Variants in PTPRD observed in about 807,000 individuals in gnomAD.
PTPRD encodes protein tyrosine phosphatase receptor type D, also known as receptor-type tyrosine-protein phosphatase delta.
A neutral mutation model predicts 214.5 loss-of-function variants in PTPRD; 34 were observed. The observed-to-expected ratio is 0.16, with a 90% CI of 0.12 to 0.21. PTPRD has a LOEUF of 0.21. PTPRD is among the 10% of genes least tolerant of loss of function. The probability of loss-of-function intolerance (pLI) is 1.00; values close to 1 mark genes in which losing one functional copy is unlikely to be tolerated. For missense variants in PTPRD, 2,545 were observed against 2,398.7 expected, an observed-to-expected ratio of 1.06 and a Z score of -1.27; for synonymous variants, 1,128 against 845.7, an observed-to-expected ratio of 1.33 and a Z score of -5.79.
intron 2 of PTPRD, among the ~76,000 whole-genome samples, chr9:10,496,180 T>G (rs896457978): frequency 3.3e-5 from 5 of 151,838 alleles, no homozygotes; most frequent in Non-Finnish European, 5.9e-5. Context: ...AAAAATGTAT[T>G]TAATGCAGAC....
At chr9:8,733,299 T>C (rs1378871435) in intron 12 of PTPRD, among the ~76,000 whole-genome samples, 1 of 152,048 alleles carries the variant, frequency 6.6e-6, no homozygotes, top group Non-Finnish European at 1.5e-5. Context: ...ACGACAGCTG[T>C]CGGAAACAGT....
intron 9 of PTPRD, among the ~76,000 whole-genome samples, chr9:9,269,587 A>G (rs1006636483): frequency 6.6e-6 from 1 of 151,486 alleles, no homozygotes; most frequent in African/African-American, 2.4e-5. Flanking sequence ...CCAATAGTCA[A>G]GATAAAATAT....
chr9:9,613,135 CATATATATATATATATATATATAT>C (rs67735335), intron 7 of PTPRD, among the ~76,000 whole-genome samples: 2 of 47,926 alleles, frequency 4.2e-5, no homozygotes, highest in African/African-American at 1.7e-4. Flanking sequence ...TACATACATA[CATATATATATATATATATATATAT>C]ATATATATAT....
At chr9:9,566,182 C>A (rs1398346540) in intron 8 of PTPRD, among the ~76,000 whole-genome samples, 1 of 151,864 alleles carries the variant, frequency 6.6e-6, no homozygotes, top group Admixed American at 6.6e-5. Context: ...TATACGTGGA[C>A]AACACAAATC....
At chr9:8,499,048 C>G (rs1038278938) in intron 25 of PTPRD, among the ~76,000 whole-genome samples, 1 of 152,016 alleles carries the variant, frequency 6.6e-6, no homozygotes, top group East Asian at 1.9e-4. Context: ...AACCTTGGTT[C>G]AACGTAAGGA....
chr9:9,984,586 C>G (rs2095646679), intron 4 of PTPRD, among the ~76,000 whole-genome samples: 1 of 152,124 alleles, frequency 6.6e-6, no homozygotes, highest in East Asian at 1.9e-4. Context: ...CCGTGGCTAC[C>G]TTCTGGAATA....
At chr9:8,448,108 G>A (rs764681848) in intron 34 of PTPRD, among the ~76,000 whole-genome samples, 2 of 151,896 alleles carry the variant, frequency 1.3e-5, no homozygotes, top group Non-Finnish European at 2.9e-5. Flanking sequence ...GTGAGTTGCT[G>A]GAGCCCAGGA....
intron 7 of PTPRD, among the ~76,000 whole-genome samples, chr9:9,728,167 A>T (rs938685947): frequency 6.6e-6 from 1 of 151,266 alleles, no homozygotes; most frequent in Non-Finnish European, 1.5e-5. Flanking sequence ...TGATTGTGAG[A>T]CTCCCCCAGC....
chr9:8,929,747 A>ATATATATATGTGTATATATATGTGTG (rs1567060819), intron 11 of PTPRD, among the ~76,000 whole-genome samples: 11 of 61,706 alleles, frequency 1.8e-4, no homozygotes, highest in African/African-American at 6.5e-4. Context: ...ATATATGTGT[A>ATATATATATGTGTATATATATGTGTG]TATATATATG....
chr9:10,360,637 T>G (rs1371652139), intron 2 of PTPRD, among the ~76,000 whole-genome samples: 1 of 151,988 alleles, frequency 6.6e-6, no homozygotes, highest in Non-Finnish European at 1.5e-5. Flanking sequence ...TTTCTAATAT[T>G]TTTTTGAATC....
At chr9:9,121,590 A>T (rs545118737) in intron 10 of PTPRD, among the ~76,000 whole-genome samples, 1 of 152,176 alleles carries the variant, frequency 6.6e-6, no homozygotes, top group African/African-American at 2.4e-5. Flanking sequence ...CAAACATTGT[A>T]TGTTCTCACT....
intron 5 of PTPRD, among the ~76,000 whole-genome samples, chr9:9,887,948 TAAC>T (rs1293870490): frequency 6.6e-6 from 1 of 151,666 alleles, no homozygotes; most frequent in Non-Finnish European, 1.5e-5. Flanking sequence ...ACATGAAAAA[TAAC>T]AAAATAAATT....
intron 11 of PTPRD, among the ~76,000 whole-genome samples, chr9:8,832,429 T>TTTC (rs61530710): frequency 7.0e-6 from 1 of 142,598 alleles, no homozygotes; most frequent in African/African-American, 2.6e-5. Context: ...TTTTTTTTTT[T>TTTC]GTCAAATAAC....
intron 14 of PTPRD, among the ~76,000 whole-genome samples, chr9:8,614,962 T>A (rs994574207): frequency 5.9e-5 from 9 of 152,144 alleles, no homozygotes; most frequent in Admixed American, 5.9e-4. Context: ...GAGAGCCCAC[T>A]CTTGAGACTT....
chr9:8,699,957 A>G (rs1326268249), intron 12 of PTPRD, among the ~76,000 whole-genome samples: 3 of 152,202 alleles, frequency 2.0e-5, no homozygotes, highest in South Asian at 4.1e-4. Context: ...ATTTTCAAAT[A>G]TCAGTAATGC....
chr9:9,740,322 AC>A (rs2098380837), intron 6 of PTPRD, among the ~76,000 whole-genome samples: 1 of 151,854 alleles, frequency 6.6e-6, no homozygotes, highest in African/African-American at 2.4e-5. Context: ...TTCAACAGAT[AC>A]TATTATGAAG....
In PTPRD at chr9:8,463,098, T is replaced by A. The variant is rs572069940; in HGVS notation, c.3714+2368A>T. On this transcript the variant is annotated intron_variant, in intron 32 of 45. Transcript: ENST00000381196. ...TGTTTTAACCTGCATCTTTAAAAAATTTAGTTTATGGCATCTATTCTGAAT... is the reference window on the plus strand; with the variant it reads ...TGTTTTAACCTGCATCTTTAAAAAAATTAGTTTATGGCATCTATTCTGAAT... 3.8e-4 allele frequency among the ~76,000 whole-genome samples: 58 copies of A among 151,812 alleles called. No individual in the cohort carries two copies. The East Asian group carries it at 0.01, about 27-fold the overall frequency.
intron 11 of PTPRD, among the ~76,000 whole-genome samples, chr9:9,011,049 T>G (rs993772601): frequency 5.3e-5 from 8 of 152,154 alleles, no homozygotes; most frequent in African/African-American, 1.7e-4. Flanking sequence ...ATTGCCCTAG[T>G]TAAAAATGCT....
chr9:9,223,263 G>A (rs2099957356), intron 9 of PTPRD, among the ~76,000 whole-genome samples: 1 of 151,880 alleles, frequency 6.6e-6, no homozygotes, highest in African/African-American at 2.4e-5. Flanking sequence ...GGATTGTACA[G>A]CATAAGGCAC....
Sources: allele counts gnomAD v4.1 joint callset (sites outside exome capture counted in the v4.1 genomes callset), GRCh38; gene constraint gnomAD v4.1.1; transcripts MANE v1.5; gene names NCBI Gene and HGNC (gene_info 2026-07-23, HGNC 2026-07-21).